DOK5: variants seen among roughly 807,000 people sequenced by gnomAD.
DOK5 encodes docking protein 5.
In DOK5, 27 loss-of-function variants were observed where a neutral mutation model predicts 43.3. The observed-to-expected ratio is 0.62, with a 90% confidence interval of 0.46 to 0.86. The LOEUF (loss-of-function observed/expected upper bound fraction) is 0.86. Among genes scored for constraint, DOK5 ranks in the 40% least tolerant of loss-of-function variants. The probability of loss-of-function intolerance (pLI) is 0.00; values close to 1 mark genes in which losing one functional copy is unlikely to be tolerated. For synonymous variants in DOK5, 146 were observed against 140.1 expected, an observed-to-expected ratio of 1.04 and a Z score of -0.30; for missense variants, 373 against 392.9, an observed-to-expected ratio of 0.95 and a Z score of 0.43.
chr20:54,496,474 G>A lies in DOK5; in HGVS notation c.66+20462G>A, dbSNP rs6023296. 2.0e-4 allele frequency among the ~76,000 whole-genome samples: 31 copies of A among 152,170 alleles called. 1 individual carries two copies. Among genetic ancestry groups the A allele is most frequent in the African/African-American group, 7.5e-4 (31 of 41,534 alleles). On this transcript the variant is annotated intron_variant, in intron 1 of 7. Transcript: ENST00000262593. The stretch of plus-strand genomic sequence containing the variant: ...TCAGTTCAAGTTTTGAAATCCTTGA[G>A]AAGAAAAAAAGAGCTGAGCACGGTG...
At chr20:54,529,095 T>C (rs536892864) in intron 1 of DOK5, among the ~76,000 whole-genome samples, 1 of 152,200 alleles carries the variant, frequency 6.6e-6, no homozygotes, top group Non-Finnish European at 1.5e-5. Context: ...CATGGTCTTT[T>C]TATCTCTACT....
At chr20:54,548,850 C>A (rs1404860408) in intron 1 of DOK5, among the ~76,000 whole-genome samples, 1 of 152,172 alleles carries the variant, frequency 6.6e-6, no homozygotes, top group Non-Finnish European at 1.5e-5. Context: ...TTTTGCTAAA[C>A]AATACTGAGA....
At chr20:54,571,523 G>A (rs547692993) in intron 2 of DOK5, among the ~76,000 whole-genome samples, 3 of 152,194 alleles carry the variant, frequency 2.0e-5, no homozygotes, top group Non-Finnish European at 2.9e-5. Flanking sequence ...TGTCCTGTGC[G>A]TTGTAGGACC....
intron 2 of DOK5, among the ~76,000 whole-genome samples, chr20:54,557,239 C>A (rs183532759): frequency 6.6e-6 from 1 of 152,122 alleles, no homozygotes; most frequent in Admixed American, 6.5e-5. Context: ...TTTTTGGCAC[C>A]GGGACAGGTA....
At chr20:54,518,421 AGCTTCATCCATGTCCCTACAAG>A (rs1983277371) in intron 1 of DOK5, among the ~76,000 whole-genome samples, 1 of 152,078 alleles carries the variant, frequency 6.6e-6, no homozygotes, top group South Asian at 2.1e-4. Context: ...GATGGTTTCC[AGCTTCATCCATGTCCCTACAAG>A]GGACATGAAC....
intron 5 of DOK5, among the ~76,000 whole-genome samples, chr20:54,594,643 G>A (rs1249563832): frequency 6.6e-6 from 1 of 151,846 alleles, no homozygotes; most frequent in Non-Finnish European, 1.5e-5. Context: ...GATCTGTTTT[G>A]GGCAGCACTT....
chr20:54,612,295 C>G (rs1048143087), intron 6 of DOK5, among the ~76,000 whole-genome samples: 1 of 152,114 alleles, frequency 6.6e-6, no homozygotes, highest in South Asian at 2.1e-4. Context: ...TAAGCATTTG[C>G]GAGAAACCAG....
intron 1 of DOK5, among the ~76,000 whole-genome samples, chr20:54,529,324 C>T (rs1983684151): frequency 6.6e-6 from 1 of 152,122 alleles, no homozygotes; most frequent in African/African-American, 2.4e-5. Flanking sequence ...ACCTCAACTT[C>T]TCACCTTGAA....
intron 1 of DOK5, among the ~76,000 whole-genome samples, chr20:54,500,097 G>A (rs1205512486): frequency 6.6e-6 from 1 of 152,124 alleles, no homozygotes; most frequent in Non-Finnish European, 1.5e-5. Flanking sequence ...GAAACTTCAA[G>A]AAGTTGCTAA....
At chr20:54,536,275 C>T (rs753887220) in intron 1 of DOK5, among the ~76,000 whole-genome samples, 15 of 152,174 alleles carry the variant, frequency 9.9e-5, no homozygotes, top group Non-Finnish European at 1.6e-4. Flanking sequence ...ACTGTGAGTG[C>T]ATCAGTGGCC....
At chr20:54,604,352 G>A (rs931384243) in intron 5 of DOK5, among the ~76,000 whole-genome samples, 2 of 150,856 alleles carry the variant, frequency 1.3e-5, no homozygotes, top group Admixed American at 6.6e-5. Flanking sequence ...CAGGTGCTTC[G>A]GATCTGTTTC....
intron 2 of DOK5, among the ~76,000 whole-genome samples, chr20:54,581,635 G>A (rs1169350112): frequency 1.3e-5 from 2 of 151,578 alleles, no homozygotes; most frequent in Non-Finnish European, 3.0e-5. Flanking sequence ...AATATTTTGG[G>A]TTTTTTGATG....
intron 5 of DOK5, among the ~76,000 whole-genome samples, chr20:54,609,378 C>T (rs182917524): frequency 6.6e-6 from 1 of 152,276 alleles, no homozygotes; most frequent in Non-Finnish European, 1.5e-5. Context: ...TCTTAGTTTA[C>T]TGTTGGCATA....
intron 1 of DOK5, among the ~76,000 whole-genome samples, chr20:54,515,088 G>A (rs577549392): frequency 6.6e-6 from 1 of 152,046 alleles, no homozygotes; most frequent in Admixed American, 6.5e-5. Flanking sequence ...TTGACTCACT[G>A]TAATCTCCGC....
intron 5 of DOK5, among the ~76,000 whole-genome samples, chr20:54,594,249 A>G (rs976167513): frequency 2.0e-5 from 3 of 152,202 alleles, no homozygotes; most frequent in Non-Finnish European, 2.9e-5. Flanking sequence ...AAAATTAGCC[A>G]GGCATAGTGG....
At chr20:54,614,906 C>T (rs771191186) in intron 6 of DOK5, among the ~76,000 whole-genome samples, 1 of 152,204 alleles carries the variant, frequency 6.6e-6, no homozygotes, top group Non-Finnish European at 1.5e-5. Context: ...CACCCTGCCT[C>T]GGTTATTGTT....
intron 1 of DOK5, among the ~76,000 whole-genome samples, chr20:54,550,618 T>C (rs1374950880): frequency 2.0e-5 from 3 of 152,256 alleles, no homozygotes; most frequent in Non-Finnish European, 2.9e-5. Context: ...TCAAGAATGC[T>C]ATACAAATGC....
intron 6 of DOK5, among the ~76,000 whole-genome samples, chr20:54,623,030 C>T (rs760143677): frequency 1.5e-4 from 23 of 152,014 alleles, no homozygotes; most frequent in Non-Finnish European, 3.1e-4. Context: ...TGAAGCCAGC[C>T]CCAGTGAAGA....
chr20:54,549,154 T>C (rs1161034880), intron 1 of DOK5, among the ~76,000 whole-genome samples: 2 of 152,210 alleles, frequency 1.3e-5, no homozygotes, highest in Non-Finnish European at 2.9e-5. Flanking sequence ...TAAATATTTA[T>C]GGGATTGACT....
Sources: gnomAD v4.1 joint callset for allele counts (sites outside exome capture counted in the v4.1 genomes callset) on GRCh38, gnomAD v4.1.1 for gene constraint, MANE v1.5 for transcripts, NCBI Gene and HGNC (gene_info 2026-07-23, HGNC 2026-07-21) for gene names.